ATP2B2: variants seen among roughly 807,000 people sequenced by gnomAD.
The protein encoded by ATP2B2 is ATPase plasma membrane Ca2+ transporting 2, also known as plasma membrane calcium-transporting ATPase 2.
In ATP2B2, 15 loss-of-function variants were observed where a neutral mutation model predicts 120.0. That is an observed-to-expected ratio of 0.12 (90% confidence interval 0.08 to 0.19). The LOEUF (loss-of-function observed/expected upper bound fraction) is 0.19. Among genes scored for constraint, ATP2B2 ranks in the 10% least tolerant of loss-of-function variants. ATP2B2 has a pLI of 1.00. For synonymous variants in ATP2B2, 694 were observed against 700.3 expected (o/e 0.99, Z 0.14); for missense variants, 1,045 against 1,719.8 (o/e 0.61, Z 6.94).
intron 1 of ATP2B2, among the ~76,000 whole-genome samples, chr3:10,488,281 G>C (rs111210209): frequency 0.61 from 74,328 of 122,510 alleles, 24,840 homozygotes; most frequent in East Asian, 0.82. Context: ...ATCCATGCAT[G>C]CATCCATCCA....
chr3:10,575,089 A>G (rs562236797), intron 2 of ATP2B2, among the ~76,000 whole-genome samples: 18 of 152,322 alleles, frequency 1.2e-4, no homozygotes, highest in Admixed American at 5.9e-4. Flanking sequence ...CCGACTGCTC[A>G]GTGCCTGGGG....
chr3:10,381,750 T>TGG (rs560122724), intron 8 of ATP2B2, among the ~76,000 whole-genome samples: 13 of 152,284 alleles, frequency 8.5e-5, no homozygotes, highest in African/African-American at 2.9e-4. Context: ...AGCCCTCAGG[T>TGG]GGGGTCTCAG....
chr3:10,521,278 G>T (rs1005344341), intron 3 of ATP2B2, among the ~76,000 whole-genome samples: 2 of 152,174 alleles, frequency 1.3e-5, no homozygotes, highest in Non-Finnish European at 2.9e-5. Context: ...CAAGAATTTA[G>T]CCTTGATCTG....
At chr3:10,473,206 T>C (rs2065078678) in intron 1 of ATP2B2, among the ~76,000 whole-genome samples, 1 of 152,242 alleles carries the variant, frequency 6.6e-6, no homozygotes, top group Admixed American at 6.5e-5. Flanking sequence ...CCCAATCTCC[T>C]ACTTCTAGGT....
chr3:10,689,090 C>T (rs566683381), intron 1 of ATP2B2, among the ~76,000 whole-genome samples: 154 of 152,292 alleles, frequency 1.0e-3, no homozygotes, highest in African/African-American at 3.5e-3. Context: ...TGTAGGCCCA[C>T]GTGTTAGCAC....
At chr3:10,502,285 C>G (rs902907933) in intron 1 of ATP2B2, among the ~76,000 whole-genome samples, 2 of 152,212 alleles carry the variant, frequency 1.3e-5, no homozygotes, top group Non-Finnish European at 2.9e-5. Context: ...GTCCAGGGCT[C>G]TCTGGCAGCT....
At chr3:10,532,997 C>T (rs2067241568) in intron 3 of ATP2B2, among the ~76,000 whole-genome samples, 1 of 152,194 alleles carries the variant, frequency 6.6e-6, no homozygotes, top group Non-Finnish European at 1.5e-5. Flanking sequence ...CAACTCTAAG[C>T]TCTGGCTCCG....
intron 3 of ATP2B2, among the ~76,000 whole-genome samples, chr3:10,532,950 G>A (rs1307354599): frequency 6.6e-6 from 1 of 152,184 alleles, no homozygotes; most frequent in Non-Finnish European, 1.5e-5. Flanking sequence ...TTGTGAAAAG[G>A]GCTAATGGCG....
At chr3:10,387,381 G>A (rs577274372) in intron 6 of ATP2B2, among the ~76,000 whole-genome samples, 90 of 152,326 alleles carry the variant, frequency 5.9e-4, no homozygotes, top group Middle Eastern at 3.4e-3. Context: ...GAGGGAGCAG[G>A]GCTGCCCCTA....
intron 12 of ATP2B2, among the ~76,000 whole-genome samples, chr3:10,361,526 C>T (rs1185031876): frequency 7.9e-5 from 12 of 152,320 alleles, no homozygotes; most frequent in South Asian, 2.1e-4. Flanking sequence ...CTGTGCCCGC[C>T]GCAGGGCCGT....
intron 2 of ATP2B2, among the ~76,000 whole-genome samples, chr3:10,424,246 G>C (rs2063079270): frequency 6.6e-6 from 1 of 152,228 alleles, no homozygotes; most frequent in African/African-American, 2.4e-5. Context: ...GGCACAGAGA[G>C]ATAAAGAGGC....
intron 1 of ATP2B2, among the ~76,000 whole-genome samples, chr3:10,497,427 C>T (rs538708448): frequency 2.0e-5 from 3 of 152,366 alleles, no homozygotes; most frequent in African/African-American, 7.2e-5. Context: ...GCAGCCTCAA[C>T]TGCTATTATT....
intron 1 of ATP2B2, among the ~76,000 whole-genome samples, chr3:10,670,040 T>G (rs2071054259): frequency 6.6e-6 from 1 of 152,204 alleles, no homozygotes; most frequent in African/African-American, 2.4e-5. Flanking sequence ...GGTGGTAGTT[T>G]ATGCAAGAAA....
chr3:10,336,493 C>T (rs771837501), intron 22 of ATP2B2, among the ~76,000 whole-genome samples: 8 of 152,210 alleles, frequency 5.3e-5, no homozygotes, highest in Non-Finnish European at 1.2e-4. Context: ...ACCTGCAGGC[C>T]CCAGGGTCCC....
intron 1 of ATP2B2, among the ~76,000 whole-genome samples, chr3:10,683,256 C>T (rs2071426937): frequency 6.6e-6 from 1 of 151,800 alleles, no homozygotes; most frequent in Admixed American, 6.6e-5. Flanking sequence ...GTTCATGTGG[C>T]CACAGGGCCT....
At chr3:10,603,278 C>T (rs975761572) in intron 2 of ATP2B2, among the ~76,000 whole-genome samples, 6 of 152,170 alleles carry the variant, frequency 3.9e-5, no homozygotes, top group South Asian at 2.1e-4. Context: ...GCACGGTGCC[C>T]GGTGTGTTTG....
intron 5 of ATP2B2, 58 bp from the exon 6 acceptor site, chr3:10,388,460 G>A: frequency 6.2e-7 from 1 of 1,613,206 alleles, no homozygotes; most frequent in Non-Finnish European, 8.5e-7. Context: ...TCTCCCCAAA[G>A]GAGTGAAAAA....
At chr3:10,448,414 A>G (rs192837898) in intron 2 of ATP2B2, among the ~76,000 whole-genome samples, 69 of 152,292 alleles carry the variant, frequency 4.5e-4, no homozygotes, top group African/African-American at 1.6e-3. Flanking sequence ...CTGTAGGGTT[A>G]ACGTAGGGAA....
chr3:10,664,104 A>G (rs985589558), intron 1 of ATP2B2, among the ~76,000 whole-genome samples: 2 of 152,106 alleles, frequency 1.3e-5, no homozygotes, highest in Admixed American at 1.3e-4. Context: ...ATAGAGGCTC[A>G]GGGAGGCTGA....
Sources: gnomAD v4.1 joint callset for allele counts (sites outside exome capture counted in the v4.1 genomes callset) on GRCh38, gnomAD v4.1.1 for gene constraint, MANE v1.5 for transcripts, NCBI Gene and HGNC (gene_info 2026-07-23, HGNC 2026-07-21) for gene names.